The following RAB2A variants were observed in gnomAD, a reference collection of about 807,000 sequenced individuals.
RAB2A encodes the protein ras-related protein Rab-2A.
In RAB2A, 7 loss-of-function variants were observed where a neutral mutation model predicts 32.5. The ratio of observed to expected loss-of-function variants is 0.22; its 90% CI spans 0.12 to 0.40. RAB2A has a LOEUF of 0.40. Ranked by LOEUF, RAB2A falls within the 10% of genes least tolerant of loss-of-function variation. The pLI, the probability that RAB2A is intolerant of heterozygous loss-of-function variation, is 1.00. For missense variants in RAB2A, 108 were observed against 260.7 expected (o/e 0.41, Z 4.03); for synonymous variants, 79 against 85.2 (o/e 0.93, Z 0.40).
rs1407236890 is a variant in RAB2A at position 60,531,534 on chromosome 8, A to G, written c.46+14281A>G. ...TATTAATAGTAATACCTTAGAGATA[A>G]TGTTTCCTATCTGTTGAGCATCCTA... On this transcript the variant is annotated intron_variant, in intron 1 of 7. Transcript: ENST00000262646. Among the ~76,000 whole-genome samples, 4 of 152,174 alleles carry G rather than the reference A, an allele frequency of 2.6e-5. No individual in the cohort carries two copies. The East Asian group carries it at 7.7e-4, about 29-fold the overall frequency.
At chr8:60,545,056 A>G (rs1293575556) in intron 1 of RAB2A, among the ~76,000 whole-genome samples, 4 of 152,226 alleles carry the variant, frequency 2.6e-5, no homozygotes, top group Middle Eastern at 3.4e-3. Context: ...GCGTTTTCAC[A>G]TATTTTAAAT....
chr8:60,527,550 G>A (rs1167563865), intron 1 of RAB2A, among the ~76,000 whole-genome samples: 2 of 152,128 alleles, frequency 1.3e-5, no homozygotes, highest in African/African-American at 2.4e-5. Context: ...CACTCCCCTA[G>A]CATGTGGGGA....
chr8:60,572,595 T>C (rs931129510), intron 3 of RAB2A, among the ~76,000 whole-genome samples: 1 of 152,190 alleles, frequency 6.6e-6, no homozygotes, highest in African/African-American at 2.4e-5. Flanking sequence ...TTTTTAATGG[T>C]GATTCCTCAT....
intron 1 of RAB2A, among the ~76,000 whole-genome samples, chr8:60,527,726 G>T (rs1807414603): frequency 6.6e-6 from 1 of 152,074 alleles, no homozygotes; most frequent in African/African-American, 2.4e-5. Context: ...CCTAATCATA[G>T]TATCCATTAT....
At chr8:60,587,486 T>C (rs1184941170) in intron 5 of RAB2A, among the ~76,000 whole-genome samples, 1 of 150,494 alleles carries the variant, frequency 6.6e-6, no homozygotes. Flanking sequence ...CATGAACTTA[T>C]AGTTCAGAAA....
chr8:60,601,943 T>G (rs1024298791), intron 6 of RAB2A, among the ~76,000 whole-genome samples: 2 of 152,172 alleles, frequency 1.3e-5, no homozygotes, highest in African/African-American at 4.8e-5. Context: ...GCTGGGGTAC[T>G]GTGGTTTGAA....
chr8:60,569,626 C>T (rs908795081), intron 2 of RAB2A, among the ~76,000 whole-genome samples: 11 of 152,274 alleles, frequency 7.2e-5, no homozygotes, highest in African/African-American at 2.4e-4. Context: ...TCCTTCCGCA[C>T]TTCAGCCTCC....
chr8:60,589,675 G>C (rs547706054), intron 5 of RAB2A, among the ~76,000 whole-genome samples: 4 of 152,288 alleles, frequency 2.6e-5, no homozygotes, highest in East Asian at 1.9e-4. Flanking sequence ...ACTTAAGTGG[G>C]ATTCAGAGGG....
chr8:60,620,448 G>A (rs545303289), intron 7 of RAB2A, among the ~76,000 whole-genome samples: 15 of 152,272 alleles, frequency 9.9e-5, no homozygotes, highest in African/African-American at 2.6e-4. Context: ...TGTTTACCCC[G>A]TACCTGGTAT....
rs192589994 is a variant in RAB2A at position 60,529,492 on chromosome 8, C to T, written c.46+12239C>T. On this transcript the variant is annotated intron_variant, in intron 1 of 7. Coordinates refer to ENST00000262646, the MANE Select transcript of RAB2A (RefSeq NM_002865.3). ...GGCTAATTTGTAAGGTATTTATGAC[C>T]CATACATCTTACGGAGGAGTTACTC... Among the ~76,000 whole-genome samples, 16 of 152,198 alleles carry T rather than the reference C, an allele frequency of 1.1e-4. No homozygotes were observed. In the East Asian group the frequency reaches 2.9e-3, roughly 28 times the overall value.
At chr8:60,535,977 A>G (rs1807550614) in intron 1 of RAB2A, among the ~76,000 whole-genome samples, 1 of 152,208 alleles carries the variant, frequency 6.6e-6, no homozygotes. Flanking sequence ...AGCCAGAAAC[A>G]GCAAATGTCC....
intron 1 of RAB2A, among the ~76,000 whole-genome samples, chr8:60,542,149 G>A (rs940966543): frequency 2.0e-5 from 3 of 152,132 alleles, no homozygotes; most frequent in Non-Finnish European, 4.4e-5. Flanking sequence ...CTTCCTAGAG[G>A]ATATGACACT....
In RAB2A at chr8:60,517,028, C is replaced by G. The variant is rs1807215199; in HGVS notation, c.-180C>G. 1 of 532,352 alleles carries G rather than the reference C, an allele frequency of 1.9e-6. No individual in the cohort carries two copies. Among genetic ancestry groups the G allele is most frequent in the Non-Finnish European group, 3.2e-6 (1 of 310,876 alleles). 33.0% of individuals were successfully genotyped at this position (532,352 alleles called of 1,614,324 possible). A position where few individuals can be genotyped will look rare whatever the true frequency, so the allele number is the denominator to read the frequency against. On this transcript the variant is annotated 5_prime_UTR_variant, in exon 1 of 8. Coordinates refer to ENST00000262646, the MANE Select transcript of RAB2A (RefSeq NM_002865.3). ...CGGTCGGGCGCTGTCTCCCTCGGCT[C>G]TGCGGGTGTCAGTTCGTCCGGCTTC...
intron 7 of RAB2A, 127 bp from the exon 8 acceptor site, chr8:60,620,547 A>G: frequency 1.5e-6 from 1 of 685,854 alleles, no homozygotes; most frequent in Non-Finnish European, 2.5e-6. Context: ...TGTTGCTAAA[A>G]TCTACTTGCT....
intron 6 of RAB2A, among the ~76,000 whole-genome samples, chr8:60,612,909 A>C (rs1035410308): frequency 1.3e-5 from 2 of 152,190 alleles, no homozygotes; most frequent in Non-Finnish European, 2.9e-5. Flanking sequence ...TGGCCCCTGC[A>C]GAATTGCCTT....
chr8:60,577,676 T>C (rs1586093362), intron 3 of RAB2A, among the ~76,000 whole-genome samples: 1 of 151,216 alleles, frequency 6.6e-6, no homozygotes, highest in African/African-American at 2.4e-5. Flanking sequence ...CAGGCTGGAG[T>C]GCAGTGGCGT....
In RAB2A at chr8:60,605,828, A is replaced by AATATATATATATATAT. The variant is rs765737905; in HGVS notation, c.475-12749_475-12748insTATATATATATATATA. Among the ~76,000 whole-genome samples the AATATATATATATATAT allele has an allele frequency of 9.9e-4, 113 of 113,976 alleles. 1 individual carries two copies. The highest frequency in any genetic ancestry group is 5.7e-3 in the East Asian group (23 of 4,024). The allele number at this position is 113,976 out of a possible 152,430, so 74.8% of individuals were successfully genotyped here. A position where few individuals can be genotyped will look rare whatever the true frequency, so the allele number is the denominator to read the frequency against. On this transcript the variant is annotated intron_variant, in intron 6 of 7. Transcript: ENST00000262646. ...TACAGGCTCATAGGCAAAAGGGACT[A>AATATATATATATATAT]ATACATATATACATATATATATATA...
At chr8:60,535,189 T>C (rs10102740) in intron 1 of RAB2A, among the ~76,000 whole-genome samples, 71,368 of 152,060 alleles carry the variant, frequency 0.47, 17,772 homozygotes, top group African/African-American at 0.64. Context: ...CTTATCAGAT[T>C]GACATTTAAA....
chr8:60,528,908 T>G (rs73683473), intron 1 of RAB2A, among the ~76,000 whole-genome samples: 3,182 of 152,252 alleles, frequency 0.021, 98 homozygotes, highest in African/African-American at 0.072. Context: ...CGGTAGGATT[T>G]TGTTCTGTGA....
Sources: gnomAD v4.1 joint callset for allele counts (sites outside exome capture counted in the v4.1 genomes callset) on GRCh38, gnomAD v4.1.1 for gene constraint, MANE v1.5 for transcripts, NCBI Gene and HGNC (gene_info 2026-07-23, HGNC 2026-07-21) for gene names.